LMNA: variants seen among roughly 807,000 people sequenced by gnomAD.
The protein encoded by LMNA is lamin.
A neutral mutation model predicts 70.4 loss-of-function variants in LMNA; 20 were observed. The observed-to-expected ratio is 0.28, with a 90% CI of 0.20 to 0.41. The LOEUF is 0.41. Among genes scored for constraint, LMNA ranks in the 10% least tolerant of loss-of-function variants. The pLI is 1.00. For synonymous variants in LMNA, 339 were observed against 372.8 expected (o/e 0.91, Z 1.04); for missense variants, 652 against 917.2 (o/e 0.71, Z 3.73).
At chr1:156,092,406 C>T (rs1648743993) in intron 3 of LMNA, among the ~76,000 whole-genome samples, 1 of 151,548 alleles carries the variant, frequency 6.6e-6, no homozygotes, top group South Asian at 2.1e-4. Context: ...AGGCTGGGCA[C>T]AGTGGCTCCT....
chr1:156,096,650 G>C lies in LMNA; in HGVS notation c.-207+6068G>C, dbSNP rs542453070. ...CTGTCTTTGGCACCCAGATGGTACT[G>C]AGTAAATATCTGTGAATGAATGAAT... On this transcript the variant is annotated intron_variant, in intron 3 of 12. Coordinates refer to the LMNA transcript ENST00000368301. 3.1e-4 allele frequency among the ~76,000 whole-genome samples: 47 copies of C among 152,368 alleles called. 1 individual carries two copies. Among genetic ancestry groups the C allele is most frequent in the Admixed American group, 2.9e-3 (45 of 15,308 alleles).
chr1:156,102,583 C>T (rs1037396948), intron 3 of LMNA, among the ~76,000 whole-genome samples: 9 of 152,188 alleles, frequency 5.9e-5, no homozygotes, highest in Non-Finnish European at 1.0e-4. Context: ...GTGGGCAGAA[C>T]GCCGCAGCCC....
In LMNA at chr1:156,138,589, C is replaced by T. The variant is rs1651864422; in HGVS notation, c.1800C>T (p.Ala600=). 4 of 1,612,776 alleles carry T rather than the reference C, an allele frequency of 2.5e-6. No individual in the cohort carries two copies. In the South Asian group the frequency reaches 4.4e-5, roughly 18 times the overall value. ...TCGQPADKAS[A]SGSGAQVGGP... ...GGCAGCCTGCCGACAAGGCATCTGC[C>T]AGCGGCTCAGGAGCCCAGGTGGGCG... The change falls in exon 11 of 12, where the codon GCC becomes GCT. Residue 600 remains alanine, a synonymous_variant. Transcript: ENST00000368300. The surrounding 1 kb of genome is among the most constrained non-coding windows in gnomAD (Gnocchi z 5.5).
Position 156,122,325 on chromosome 1 carries a change from C to A in LMNA, c.356+7051C>A, listed in dbSNP as rs1005382213. Among the ~76,000 whole-genome samples, 4 of 152,126 alleles carry A rather than the reference C, an allele frequency of 2.6e-5. No individual in the cohort carries two copies. The South Asian group carries it at 6.2e-4, about 24-fold the overall frequency. On this transcript the variant is annotated intron_variant, in intron 1 of 11. Transcript: ENST00000368300. ...GATTGGAGCGGAAAGTCTCCAGAGA[C>A]CTTTTAGGTTCCAAAGTAGTACAGT...
upstream of LMNA, among the ~76,000 whole-genome samples, chr1:156,113,072 A>T (rs1420227590): frequency 6.6e-6 from 1 of 152,044 alleles, no homozygotes; most frequent in African/African-American, 2.4e-5. Flanking sequence ...AGGCAGGCAG[A>T]TTACCTGAGG....
chr1:156,099,578 A>C (rs1318401388), intron 3 of LMNA, among the ~76,000 whole-genome samples: 1 of 152,052 alleles, frequency 6.6e-6, no homozygotes, highest in South Asian at 2.1e-4. Flanking sequence ...ATAGAGTAAG[A>C]CACCATCTCT....
At chr1:156,128,967 A>T (rs1431761607) in intron 1 of LMNA, among the ~76,000 whole-genome samples, 1 of 152,218 alleles carries the variant, frequency 6.6e-6, no homozygotes, top group East Asian at 1.9e-4. Flanking sequence ...CTCCCCCTGC[A>T]GCTGCTTCAG....
rs559856620 is a variant in LMNA, at chr1:156,135,479, T to C, written c.936+167T>C. 1.2e-6 allele frequency: 1 copy of C among 850,120 alleles called. No homozygotes were observed. Among genetic ancestry groups the C allele is most frequent in the Admixed American group, 2.1e-5 (1 of 48,672 alleles). The allele number at this position is 850,120 out of a possible 1,614,324, so 52.7% of individuals were successfully genotyped here. ...AAGGGTCGCAGGATGTGGAGTCAGATGGCCTGTGTGCTGTTTCTGTACACT... is the reference window on the plus strand; with the variant it reads ...AAGGGTCGCAGGATGTGGAGTCAGACGGCCTGTGTGCTGTTTCTGTACACT... On this transcript the variant is annotated intron_variant, in intron 5 of 11. Transcript: ENST00000368300. The surrounding 1 kb of genome is among the most constrained non-coding windows in gnomAD (Gnocchi z 4.8).
chr1:156,100,121 C>T (rs1168667966), intron 3 of LMNA, among the ~76,000 whole-genome samples: 1 of 152,108 alleles, frequency 6.6e-6, no homozygotes, highest in African/African-American at 2.4e-5. Flanking sequence ...TGGAAGAGAG[C>T]TCATTACCAC....
chr1:156,138,005 G>A lies in LMNA; in HGVS notation c.1698+262G>A, dbSNP rs1389760788. On this transcript the variant is annotated intron_variant, in intron 10 of 11. Coordinates refer to ENST00000368300, the MANE Select transcript of LMNA (RefSeq NM_170707.4). The surrounding 1 kb of genome is among the most constrained non-coding windows in gnomAD (Gnocchi z 5.5). Reference sequence around the variant, plus strand: ...ATATTCCTGTGGGAGCAGTGGACAAGGGTCTGGATTTGTCTTCTGGGAAAG... The same window carrying A: ...ATATTCCTGTGGGAGCAGTGGACAAAGGTCTGGATTTGTCTTCTGGGAAAG... The A allele has an allele frequency of 5.7e-6, 4 of 700,068 alleles. No individual in the cohort carries two copies. The highest frequency in any genetic ancestry group is 9.2e-6 in the Non-Finnish European group (4 of 435,054). The allele number at this position is 700,068 out of a possible 1,614,324, so 43.4% of individuals were successfully genotyped here.
In LMNA at chr1:156,121,046, C is replaced by CTTT. The variant is rs57371677; in HGVS notation, c.356+5795_356+5797dup. Among the ~76,000 whole-genome samples the CTTT allele has an allele frequency of 5.0e-3, 500 of 100,376 alleles. 4 individuals are homozygous for CTTT. The highest frequency in any genetic ancestry group is 0.014 in the Middle Eastern group (2 of 146). 65.9% of individuals were successfully genotyped at this position (100,376 alleles called of 152,430 possible). A position where few individuals can be genotyped will look rare whatever the true frequency, so the allele number is the denominator to read the frequency against. On this transcript the variant is annotated intron_variant, in intron 1 of 11. Coordinates refer to ENST00000368300, the MANE Select transcript of LMNA (RefSeq NM_170707.4). ...CCAACCCTCCACCACCAAATCCATT[C>CTTT]TTTTTTTTTTTTTTTTTTTTTTTTT...
chr1:156,122,260 C>T (rs1650240496), intron 1 of LMNA, among the ~76,000 whole-genome samples: 1 of 152,122 alleles, frequency 6.6e-6, no homozygotes, highest in Non-Finnish European at 1.5e-5. Flanking sequence ...TTGAGCAAAT[C>T]GCCTCCCCTT....
chr1:156,107,284 C>T (rs760283495), intron 3 of LMNA, among the ~76,000 whole-genome samples: 1 of 152,220 alleles, frequency 6.6e-6, no homozygotes, highest in Non-Finnish European at 1.5e-5. Context: ...GCAGCCACTT[C>T]CCGACTTTGT....
intron 1 of LMNA, among the ~76,000 whole-genome samples, chr1:156,118,477 C>T (rs1649984354): frequency 6.6e-6 from 1 of 152,074 alleles, no homozygotes; most frequent in Non-Finnish European, 1.5e-5. Context: ...CTCTGTTCTC[C>T]CCCACTGATC....
chr1:156,137,827 T>C lies in LMNA; in HGVS notation c.1698+84T>C. ...GGGCAGCCTCTCCCCAGCCTCCCCG[T>C]GCCAAAAATCTTTTCATTAAAGAAT... On this transcript the variant is annotated intron_variant, in intron 10 of 11. Transcript: ENST00000368300. This position sits in a 1 kb window ranked among gnomAD's most constrained non-coding sequence, Gnocchi z 4.6. The C allele has an allele frequency of 1.3e-6, 2 of 1,541,644 alleles. No individual in the cohort carries two copies. Among genetic ancestry groups the C allele is most frequent in the Non-Finnish European group, 1.7e-6 (2 of 1,145,354 alleles).
intron 1 of LMNA, among the ~76,000 whole-genome samples, chr1:156,128,348 A>G (rs16837187): frequency 0.054 from 8,154 of 152,254 alleles, 387 homozygotes; most frequent in African/African-American, 0.13. Context: ...TCATGCATCT[A>G]TGTTTTCCTC....
intron 2 of LMNA, among the ~76,000 whole-genome samples, chr1:156,084,088 G>A (rs918680118): frequency 1.3e-5 from 2 of 152,140 alleles, no homozygotes; most frequent in African/African-American, 4.8e-5. Flanking sequence ...TAGTGGGTGG[G>A]TGAGCCACAG....
chr1:156,121,263 G>T (rs180910141), intron 1 of LMNA, among the ~76,000 whole-genome samples: 1 of 151,922 alleles, frequency 6.6e-6, no homozygotes, highest in East Asian at 1.9e-4. Context: ...TACTCAGGCT[G>T]GTCTTGAACT....
chr1:156,125,235 G>T (rs567944680), intron 1 of LMNA, among the ~76,000 whole-genome samples: 1 of 152,326 alleles, frequency 6.6e-6, no homozygotes, highest in South Asian at 2.1e-4. Context: ...TGAGGGGTAG[G>T]GAGGTTTTGG....
Sources: gnomAD v4.1 joint callset for allele counts (sites outside exome capture counted in the v4.1 genomes callset) on GRCh38, gnomAD v4.1.1 for gene constraint, Gnocchi (gnomAD v3.1) non-coding constraint, MANE v1.5 for transcripts, NCBI Gene and HGNC (gene_info 2026-07-23, HGNC 2026-07-21) for gene names.